CLSTN3: variants seen among roughly 807,000 people sequenced by gnomAD.
The protein encoded by CLSTN3 is calsyntenin-3.
A neutral mutation model predicts 95.9 loss-of-function variants in CLSTN3; 36 were observed. That is an observed-to-expected ratio of 0.38 (90% CI 0.29 to 0.50). The LOEUF (loss-of-function observed/expected upper bound fraction) is 0.50. Among genes scored for constraint, CLSTN3 ranks in the 20% least tolerant of loss-of-function variants. The pLI is 0.95. For missense variants in CLSTN3, 1,084 were observed against 1,268.8 expected, an observed-to-expected ratio of 0.85 and a Z score of 2.21; for synonymous variants, 481 against 504.0, an observed-to-expected ratio of 0.95 and a Z score of 0.61.
rs765667247 is a variant in CLSTN3, at chr12:7,142,824, T to A, written c.1541-45T>A. The A allele has an allele frequency of 2.6e-6, 4 of 1,530,824 alleles. No individual in the cohort carries two copies. In the South Asian group the frequency reaches 4.5e-5, roughly 17 times the overall value. 94.8% of individuals were successfully genotyped at this position (1,530,824 alleles called of 1,614,324 possible). ...TCTCAGCCTTCGTCCTTTTCCATCC[T>A]CCTCTCTTCTCACCTCCCGTCCTGC... On this transcript the variant is annotated intron_variant, in intron 10 of 17. Coordinates refer to ENST00000266546, the MANE Select transcript of CLSTN3 (RefSeq NM_014718.4).
chr12:7,143,039 C>T lies in CLSTN3; in HGVS notation c.1698+13C>T, dbSNP rs1275028839. 4 of 1,609,084 alleles carry T rather than the reference C, an allele frequency of 2.5e-6. No individual in the cohort carries two copies. The South Asian group carries it at 4.4e-5, about 18-fold the overall frequency. On this transcript the variant is annotated intron_variant, in intron 11 of 17. Coordinates refer to ENST00000266546, the MANE Select transcript of CLSTN3 (RefSeq NM_014718.4). Reference sequence around the variant, plus strand: ...CAAAGGCATGAAGGTATTGCCCCATCCTCTAGCCCTGTTCTTCCCAGCATG... The same window carrying T: ...CAAAGGCATGAAGGTATTGCCCCATTCTCTAGCCCTGTTCTTCCCAGCATG...
At position 7,151,082 on chromosome 12, in the gene CLSTN3, G is replaced by A; in HGVS notation, c.2527+19G>A. The A allele has an allele frequency of 6.4e-7, 1 of 1,552,710 alleles. No individual in the cohort carries two copies. The highest frequency in any genetic ancestry group is 1.4e-5 in the African/African-American group (1 of 73,440). On this transcript the variant is annotated intron_variant, in intron 16 of 17. Coordinates refer to ENST00000266546, the MANE Select transcript of CLSTN3 (RefSeq NM_014718.4). ...AACTCCAGTACGTAAGCCTGGTGGG[G>A]CTGGGCAGGGAGGGGCAGGTGGCAG...
intron 6 of CLSTN3, 126 bp downstream of exon 6, chr12:7,136,517 C>T: frequency 6.0e-6 from 6 of 999,606 alleles, no homozygotes; most frequent in Non-Finnish European, 8.7e-6. Context: ...GAGGTTGTGA[C>T]ACGATTAGCA....
chr12:7,135,603 C>T, intron 4 of CLSTN3, 68 bp downstream of exon 4: 1 of 1,531,960 alleles, frequency 6.5e-7, no homozygotes, highest in Non-Finnish European at 9.0e-7. Flanking sequence ...CAGGACAACC[C>T]AGGGTTGCAT....
Position 7,156,409 on chromosome 12 carries a change from C to T in CLSTN3, c.2528-1080C>T, listed in dbSNP as rs536093490. ...CTCGCTCTGTGGCCCTCACGGCCCA[C>T]GTCTGTAGTGTCTATGTCTTCCTTC... On this transcript the variant is annotated intron_variant, in intron 16 of 17. Coordinates refer to ENST00000266546, the MANE Select transcript of CLSTN3 (RefSeq NM_014718.4). 488 of 456,722 alleles carry T rather than the reference C, an allele frequency of 1.1e-3. 2 individuals are homozygous for T. The highest frequency in any genetic ancestry group is 2.8e-3 in the Admixed American group (118 of 42,576). The allele number at this position is 456,722 out of a possible 1,614,324, so 28.3% of individuals were successfully genotyped here.
Position 7,137,795 on chromosome 12 carries a change from T to TGA in CLSTN3, c.1211-134_1211-133dup, listed in dbSNP as rs71067156. ...GTGTGTGTGTGTGTGTGTGTGTGTG[T>TGA]GAGAGAGAGAGAGAGAGAGAGAGAG... On this transcript the variant is annotated intron_variant, in intron 7 of 17. Coordinates refer to ENST00000266546, the MANE Select transcript of CLSTN3 (RefSeq NM_014718.4). This position sits in a 1 kb window ranked among gnomAD's most constrained non-coding sequence, Gnocchi z 4.4. Among the ~76,000 whole-genome samples, 8,956 of 70,182 alleles carry TGA rather than the reference T, an allele frequency of 0.13. 898 individuals are homozygous for TGA. Among genetic ancestry groups the TGA allele is most frequent in the East Asian group, 0.15 (273 of 1,874 alleles). 46.0% of individuals were successfully genotyped at this position (70,182 alleles called of 152,430 possible).
chr12:7,152,058 GAAAAAAAA>G (rs779248525), intron 16 of CLSTN3, among the ~76,000 whole-genome samples: 1 of 67,910 alleles, frequency 1.5e-5, no homozygotes. Flanking sequence ...TGTCTCAAAG[GAAAAAAAA>G]AAAAAAAAAA....
At chr12:7,135,283 C>A (rs1188025103) in intron 3 of CLSTN3, 44 bp from the exon 4 acceptor site, 1 of 1,584,274 alleles carries the variant, frequency 6.3e-7, no homozygotes, top group South Asian at 1.1e-5. Context: ...AATGTCGAGG[C>A]TGGCTGACGT....
chr12:7,130,327 T>G, upstream of CLSTN3: 8 of 1,044,984 alleles, frequency 7.7e-6, no homozygotes, highest in Non-Finnish European at 9.8e-6. Context: ...AGTCACCTGA[T>G]TGGCCGGCGG....
rs1396163320 is a variant in CLSTN3, at chr12:7,141,032, A to G, written c.1324-210A>G. ...TTTAACGATTTACCTGAAGAGTGGA[A>G]TCTTTGCTACTAGGTTGGTTGCCTG... On this transcript the variant is annotated intron_variant, in intron 8 of 17. Transcript: ENST00000266546. This position sits in a 1 kb window ranked among gnomAD's most constrained non-coding sequence, Gnocchi z 4.1. Among the ~76,000 whole-genome samples, 1 of 152,230 alleles carries G rather than the reference A, an allele frequency of 6.6e-6. No individual in the cohort carries two copies. The highest frequency in any genetic ancestry group is 1.9e-4 in the East Asian group (1 of 5,200).
Position 7,149,045 on chromosome 12 carries a change from C to T in CLSTN3, c.1921C>T (p.Pro641Ser). ...GYVVVLQPDAPQILLSGTAHF... is the reference protein window; with the variant it reads ...GYVVVLQPDASQILLSGTAHF... ...CGTGGTCGTCCTTCAGCCTGACGCCCCCCAGATCCTGCTGAGTGGCACTGC... is the reference window on the plus strand; with the variant it reads ...CGTGGTCGTCCTTCAGCCTGACGCCTCCCAGATCCTGCTGAGTGGCACTGC... Residue 641 changes from proline to serine, a missense_variant, in exon 13 of 18, where the codon CCC becomes TCC. Coordinates refer to ENST00000266546, the MANE Select transcript of CLSTN3 (RefSeq NM_014718.4). The surrounding 1 kb of genome is among the most constrained non-coding windows in gnomAD (Gnocchi z 4.5). The T allele has an allele frequency of 5.0e-6, 8 of 1,614,206 alleles. No individual in the cohort carries two copies. The highest frequency in any genetic ancestry group is 5.9e-6 in the Non-Finnish European group (7 of 1,180,034).
In CLSTN3 at chr12:7,141,631, C is replaced by T. The variant is rs17198507; in HGVS notation, c.1486+227C>T. On this transcript the variant is annotated intron_variant, in intron 9 of 17. Coordinates refer to ENST00000266546, the MANE Select transcript of CLSTN3 (RefSeq NM_014718.4). This position sits in a 1 kb window ranked among gnomAD's most constrained non-coding sequence, Gnocchi z 4.1. ...CTGACTTGGAGGAATTAACTTCTCA[C>T]GCATCCCCAGACTCTCTCTCTGTAA... is the stretch of plus-strand genomic sequence containing the variant. 5.3e-5 allele frequency among the ~76,000 whole-genome samples: 8 copies of T among 152,236 alleles called. No homozygotes were observed. Among genetic ancestry groups the T allele is most frequent in the South Asian group, 2.1e-4 (1 of 4,822 alleles).
chr12:7,135,026 C>T (rs79940907), intron 3 of CLSTN3, among the ~76,000 whole-genome samples: 12,542 of 152,028 alleles, frequency 0.082, 578 homozygotes, highest in South Asian at 0.22. Context: ...GGCTCTCCGT[C>T]GGGATTCCTG....
At chr12:7,134,750 G>C (rs1591613777) in intron 3 of CLSTN3, among the ~76,000 whole-genome samples, 3 of 152,328 alleles carry the variant, frequency 2.0e-5, no homozygotes, top group African/African-American at 7.2e-5. Context: ...TGTTGTGAAG[G>C]AAGGCCCTGC....
At chr12:7,130,834 C>T in intron 1 of CLSTN3, 122 bp downstream of exon 1, 1 of 841,692 alleles carries the variant, frequency 1.2e-6, no homozygotes, top group Non-Finnish European at 2.0e-6. Flanking sequence ...CTCTTCTGAT[C>T]ACCCTCCTTC....
rs1427544801 is a variant in CLSTN3, at chr12:7,150,812, C to T, written c.2392-116C>T. The T allele has an allele frequency of 1.5e-5, 23 of 1,548,876 alleles. No homozygotes were observed. The highest frequency in any genetic ancestry group is 6.1e-6 in the Non-Finnish European group (7 of 1,138,448). On this transcript the variant is annotated intron_variant, in intron 15 of 17. Transcript: ENST00000266546. This position sits in a 1 kb window ranked among gnomAD's most constrained non-coding sequence, Gnocchi z 4.0. ...CAGCGTGGAGGGCTGCTGGACCTTG[C>T]AGTGGGTGGAGGAGAAGGAGATGGG...
chr12:7,156,358 G>C (rs1229484801), intron 16 of CLSTN3: 14 of 456,988 alleles, frequency 3.1e-5, no homozygotes, highest in Non-Finnish European at 5.3e-5. Flanking sequence ...GTGTGCAGGA[G>C]GCAGGCAGGG....
In CLSTN3 at chr12:7,137,787, T is replaced by A. The variant is rs954678875; in HGVS notation, c.1211-168T>A. On this transcript the variant is annotated intron_variant, in intron 7 of 17. Coordinates refer to ENST00000266546, the MANE Select transcript of CLSTN3 (RefSeq NM_014718.4). This position sits in a 1 kb window ranked among gnomAD's most constrained non-coding sequence, Gnocchi z 4.4. The stretch of plus-strand genomic sequence containing the variant: ...GTGTGTGTGTGTGTGTGTGTGTGTG[T>A]GTGTGTGTGAGAGAGAGAGAGAGAG... Among the ~76,000 whole-genome samples, 261 of 117,126 alleles carry A rather than the reference T, an allele frequency of 2.2e-3. 1 individual carries two copies. The highest frequency in any genetic ancestry group is 6.8e-3 in the African/African-American group (235 of 34,310). The allele number at this position is 117,126 out of a possible 152,430, so 76.8% of individuals were successfully genotyped here.
chr12:7,132,842 C>G lies in CLSTN3; in HGVS notation c.65-182C>G, dbSNP rs1939329368. On this transcript the variant is annotated intron_variant, in intron 1 of 17. Transcript: ENST00000266546. ...GAGAAGGCTATGACCTCCCGCAGACCCTCTGACTCCTTTAGTAGCTGATTT... is the reference window on the plus strand; with the variant it reads ...GAGAAGGCTATGACCTCCCGCAGACGCTCTGACTCCTTTAGTAGCTGATTT... 4.1e-6 allele frequency: 3 copies of G among 736,018 alleles called. No individual in the cohort carries two copies. In the South Asian group the frequency reaches 4.9e-5, roughly 12 times the overall value. The allele number at this position is 736,018 out of a possible 1,614,324, so 45.6% of individuals were successfully genotyped here. A position where few individuals can be genotyped will look rare whatever the true frequency, so the allele number is the denominator to read the frequency against.
Sources: allele counts gnomAD v4.1 joint callset (sites outside exome capture counted in the v4.1 genomes callset), GRCh38; gene constraint gnomAD v4.1.1; non-coding constraint Gnocchi (gnomAD v3.1); transcripts MANE v1.5; gene names NCBI Gene and HGNC (gene_info 2026-07-23, HGNC 2026-07-21).